IL15: variants seen among roughly 807,000 people sequenced by gnomAD.
The protein encoded by IL15 is interleukin-15.
Under a neutral mutation model 19.6 loss-of-function variants are expected in IL15, and 11 were observed. The ratio of observed to expected loss-of-function variants is 0.56; its 90% confidence interval spans 0.35 to 0.93. The LOEUF is 0.93. Among genes scored for constraint, IL15 ranks in the 40% least tolerant of loss-of-function variants. The pLI is 0.01. For synonymous variants in IL15, 58 were observed against 59.6 expected, an observed-to-expected ratio of 0.97 and a Z score of 0.12; for missense variants, 197 against 186.5, an observed-to-expected ratio of 1.06 and a Z score of -0.33.
chr4:141,673,437 G>A (rs1461599761), intron 2 of IL15, among the ~76,000 whole-genome samples: 3 of 152,010 alleles, frequency 2.0e-5, no homozygotes, highest in African/African-American at 7.2e-5. Context: ...GGGAATTAAG[G>A]TCACACAAAT....
chr4:141,643,708 C>G lies in IL15; in HGVS notation c.-222+6960C>G, dbSNP rs184536003. ...AATATAGCTGTCTGAGGGCTCAGTC[C>G]TTAGGCCTGTTCTCTATCTGTACTC... is the stretch of plus-strand genomic sequence containing the variant. On this transcript the variant is annotated intron_variant, in intron 1 of 7. Coordinates refer to ENST00000320650, the MANE Select transcript of IL15 (RefSeq NM_000585.5). 3.5e-3 allele frequency among the ~76,000 whole-genome samples: 528 copies of G among 152,140 alleles called. 9 individuals are homozygous for G. Among genetic ancestry groups the G allele is most frequent in the Admixed American group, 0.021 (328 of 15,264 alleles).
At chr4:141,723,035 T>C (rs189968312) in intron 5 of IL15, among the ~76,000 whole-genome samples, 141 of 152,234 alleles carry the variant, frequency 9.3e-4, no homozygotes, top group Non-Finnish European at 1.6e-3. Context: ...CTATGGTTAG[T>C]ATCACAGGAG....
chr4:141,648,338 A>G (rs953079769), intron 1 of IL15, among the ~76,000 whole-genome samples: 1 of 152,064 alleles, frequency 6.6e-6, no homozygotes, highest in African/African-American at 2.4e-5. Flanking sequence ...TTTATTATAG[A>G]GGGGATAATT....
chr4:141,684,612 T>C (rs938327528), intron 2 of IL15, among the ~76,000 whole-genome samples: 3 of 152,224 alleles, frequency 2.0e-5, no homozygotes, highest in African/African-American at 4.8e-5. Context: ...GGTTTTCTCA[T>C]ACTTGCTATT....
intron 1 of IL15, among the ~76,000 whole-genome samples, chr4:141,653,676 T>C (rs1317021995): frequency 6.6e-6 from 1 of 152,194 alleles, no homozygotes; most frequent in East Asian, 1.9e-4. Context: ...ATGTATAATA[T>C]TACATTGCAT....
chr4:141,701,904 T>A (rs145490552), intron 2 of IL15, among the ~76,000 whole-genome samples: 172 of 152,346 alleles, frequency 1.1e-3, no homozygotes, highest in African/African-American at 3.9e-3. Context: ...CGGGGAATTG[T>A]GACCTTGCCT....
intron 2 of IL15, among the ~76,000 whole-genome samples, chr4:141,682,511 A>C (rs1239809814): frequency 6.6e-6 from 1 of 152,198 alleles, no homozygotes; most frequent in East Asian, 1.9e-4. Context: ...TCCATAACAC[A>C]CATAAGTAAT....
chr4:141,697,345 C>T (rs1367138058), intron 2 of IL15, among the ~76,000 whole-genome samples: 2 of 152,074 alleles, frequency 1.3e-5, no homozygotes, highest in Admixed American at 6.6e-5. Flanking sequence ...TTTCTGGGTT[C>T]TCTAGTCTGT....
intron 1 of IL15, among the ~76,000 whole-genome samples, chr4:141,644,743 A>G (rs1411284572): frequency 2.0e-5 from 3 of 152,136 alleles, no homozygotes; most frequent in Admixed American, 2.0e-4. Context: ...CCTTGTCCCA[A>G]CATACAATGG....
intron 2 of IL15, among the ~76,000 whole-genome samples, chr4:141,685,872 C>A (rs1579018596): frequency 6.6e-6 from 1 of 152,028 alleles, no homozygotes; most frequent in Admixed American, 6.5e-5. Context: ...TTAAAAATAT[C>A]TTTGTATTTT....
At chr4:141,706,870 C>A (rs1729533569) in intron 2 of IL15, among the ~76,000 whole-genome samples, 1 of 152,090 alleles carries the variant, frequency 6.6e-6, no homozygotes, top group African/African-American at 2.4e-5. Flanking sequence ...GTTTGATAAT[C>A]ATGTGCCTCA....
At chr4:141,719,303 T>G in intron 2 of IL15, 63 bp from the exon 3 acceptor site, 2 of 550,252 alleles carry the variant, frequency 3.6e-6, no homozygotes, top group Non-Finnish European at 3.3e-6. Context: ...TAAGTATTAA[T>G]TCCCTCCCTT....
chr4:141,697,295 A>G (rs1729129476), intron 2 of IL15, among the ~76,000 whole-genome samples: 1 of 151,696 alleles, frequency 6.6e-6, no homozygotes, highest in African/African-American at 2.4e-5. Context: ...GTTTTTGTAA[A>G]CTTTGACAAA....
At chr4:141,681,074 A>C (rs923236290) in intron 2 of IL15, among the ~76,000 whole-genome samples, 2 of 152,142 alleles carry the variant, frequency 1.3e-5, no homozygotes, top group Non-Finnish European at 2.9e-5. Context: ...ATATGCATTT[A>C]TATTCTCTCT....
rs113635933 is a variant in IL15, at chr4:141,640,961, G to A, written c.-222+4213G>A. On this transcript the variant is annotated intron_variant, in intron 1 of 7. Transcript: ENST00000320650. ...GTAAGGTTGATGGCGGTGGTGGTGG[G>A]GGTAAGCTCTGCTTATCATTGTGAC... 5.1e-3 allele frequency among the ~76,000 whole-genome samples: 783 copies of A among 152,230 alleles called. 14 individuals carry two copies. Among genetic ancestry groups the A allele is most frequent in the African/African-American group, 0.018 (758 of 41,550 alleles).
intron 1 of IL15, among the ~76,000 whole-genome samples, chr4:141,641,845 A>C (rs1345439674): frequency 6.6e-6 from 1 of 151,814 alleles, no homozygotes; most frequent in Non-Finnish European, 1.5e-5. Context: ...TATAATTTAA[A>C]AAAAAAAAAG....
chr4:141,647,153 GACTTTCCTAAAT>G (rs1560900216), intron 1 of IL15, among the ~76,000 whole-genome samples: 2 of 152,050 alleles, frequency 1.3e-5, no homozygotes. Flanking sequence ...ATGGGCTGGG[GACTTTCCTAAAT>G]ACTTGACTGG....
chr4:141,658,753 T>C (rs1469076786), intron 2 of IL15, among the ~76,000 whole-genome samples: 1 of 152,034 alleles, frequency 6.6e-6, no homozygotes, highest in Non-Finnish European at 1.5e-5. Flanking sequence ...AAAATAAATA[T>C]AAATTCAAAG....
intron 1 of IL15, chr4:141,637,027 C>T (rs1245918772): frequency 6.6e-6 from 1 of 152,298 alleles, no homozygotes; most frequent in African/African-American, 2.4e-5. Flanking sequence ...GCGTGCGACT[C>T]CCTACTGCGC....
Sources: allele counts gnomAD v4.1 joint callset (sites outside exome capture counted in the v4.1 genomes callset), GRCh38; gene constraint gnomAD v4.1.1; transcripts MANE v1.5; gene names NCBI Gene and HGNC (gene_info 2026-07-23, HGNC 2026-07-21).